The following TNS1 variants were observed in gnomAD, a reference collection of about 807,000 sequenced individuals.
The protein encoded by TNS1 is tensin 1.
In TNS1, 62 loss-of-function variants were observed where a neutral mutation model predicts 168.6. The ratio of observed to expected loss-of-function variants is 0.37; its 90% confidence interval spans 0.30 to 0.45. The LOEUF (loss-of-function observed/expected upper bound fraction) is 0.45, where lower values mean the gene tolerates loss of function less well. TNS1 is among the 20% of genes least tolerant of loss of function. The pLI, the probability that TNS1 is intolerant of heterozygous loss-of-function variation, is 1.00. For synonymous variants in TNS1, 934 were observed against 933.2 expected, an observed-to-expected ratio of 1.00 and a Z score of -0.02; for missense variants, 2,240 against 2,339.4, an observed-to-expected ratio of 0.96 and a Z score of 0.88.
intron 4 of TNS1, among the ~76,000 whole-genome samples, chr2:217,913,991 T>C (rs1375507230): frequency 6.6e-6 from 1 of 152,168 alleles, no homozygotes; most frequent in Non-Finnish European, 1.5e-5. Context: ...CTAGATTGCC[T>C]GGCCCTCTTT....
intron 18 of TNS1, among the ~76,000 whole-genome samples, chr2:217,856,847 C>T (rs537167880): frequency 8.5e-5 from 13 of 152,186 alleles, no homozygotes; most frequent in African/African-American, 2.9e-4. Flanking sequence ...AGAAAGTGAA[C>T]AGGAGAGAAC....
intron 1 of TNS1, among the ~76,000 whole-genome samples, chr2:218,019,467 A>G (rs1958788400): frequency 6.6e-6 from 1 of 152,114 alleles, no homozygotes; most frequent in Admixed American, 6.5e-5. Context: ...ATCCTCCTCC[A>G]TGACCACCCC....
chr2:217,876,570 T>A (rs188640366), intron 18 of TNS1, among the ~76,000 whole-genome samples: 1 of 152,292 alleles, frequency 6.6e-6, no homozygotes, highest in East Asian at 1.9e-4. Context: ...AGAAAACTCC[T>A]TCTCAGGTGT....
At chr2:217,815,782 A>T (rs972061223) in intron 24 of TNS1, among the ~76,000 whole-genome samples, 1 of 152,196 alleles carries the variant, frequency 6.6e-6, no homozygotes, top group African/African-American at 2.4e-5. Context: ...CACCATGAAG[A>T]TGAGGGCAGA....
rs553635685 is a variant in TNS1, at chr2:218,031,908, C to T, written c.156+1912G>A. Among the ~76,000 whole-genome samples the T allele has an allele frequency of 7.9e-5, 12 of 152,362 alleles. No homozygotes were observed. The East Asian group carries it at 2.3e-3, about 29-fold the overall frequency. Reference sequence around the variant, plus strand: ...ACTGCAGAAACGGAAGAGGCAACAGCAGCCAGGAGTCTCCTCCCCACTGCT... The same window carrying T: ...ACTGCAGAAACGGAAGAGGCAACAGTAGCCAGGAGTCTCCTCCCCACTGCT... On this transcript the variant is annotated intron_variant, in intron 1 of 1. Transcript: ENST00000649572.
At chr2:217,845,680 A>C (rs1946544425) in intron 19 of TNS1, among the ~76,000 whole-genome samples, 1 of 152,240 alleles carries the variant, frequency 6.6e-6, no homozygotes, top group African/African-American at 2.4e-5. Context: ...AAAGCCTGAG[A>C]GGCTACAGAA....
At chr2:217,899,433 A>G (rs574241442) in intron 7 of TNS1, among the ~76,000 whole-genome samples, 2 of 152,314 alleles carry the variant, frequency 1.3e-5, no homozygotes, top group African/African-American at 4.8e-5. Context: ...CCACACGCAC[A>G]CATACCTGCA....
At chr2:217,888,825 A>C (rs1219541125) in intron 12 of TNS1, among the ~76,000 whole-genome samples, 1 of 152,164 alleles carries the variant, frequency 6.6e-6, no homozygotes, top group African/African-American at 2.4e-5. Context: ...AGTCTTGGGT[A>C]TGTCTTTATC....
intron 1 of TNS1, among the ~76,000 whole-genome samples, chr2:218,028,342 C>T (rs1463366820): frequency 1.3e-5 from 2 of 152,166 alleles, no homozygotes; most frequent in African/African-American, 4.8e-5. Flanking sequence ...CAGAACAGCT[C>T]CACCCCGTAC....
chr2:217,876,741 T>C (rs1360138345), intron 18 of TNS1, among the ~76,000 whole-genome samples: 1 of 152,020 alleles, frequency 6.6e-6, no homozygotes, highest in Non-Finnish European at 1.5e-5. Flanking sequence ...GGTGTCTTTA[T>C]AAGAAGAGAT....
At chr2:218,021,451 C>T (rs1392568089) in intron 1 of TNS1, among the ~76,000 whole-genome samples, 1 of 152,176 alleles carries the variant, frequency 6.6e-6, no homozygotes, top group Admixed American at 6.5e-5. Context: ...AAAGTTGATG[C>T]CCATAGCCTA....
At position 217,817,781 on chromosome 2, in the gene TNS1, C is replaced by T. The variant is rs61746069; in HGVS notation, c.4551G>A (p.Ser1517=). The part of the protein sequence containing the change: ...NYATINGKVS[S]PVASGMSSPS... ...GACTGGACATGCCGCTGGCGACAGG[C>T]GAAGACACCTTCCCATTGATGGTGG... is the stretch of plus-strand genomic sequence containing the variant. Residue 1517 remains serine (S), a synonymous_variant, in exon 24 of 33, where the codon TCG becomes TCA. Coordinates refer to ENST00000682258, the MANE Select transcript of TNS1 (RefSeq NM_001387777.1). 6.5e-4 allele frequency: 1,044 copies of T among 1,614,188 alleles called. 8 individuals carry two copies. In the African/African-American group the frequency reaches 0.012, roughly 19 times the overall value.
intron 13 of TNS1, 80 bp from the exon 14 acceptor site, chr2:217,886,184 A>G: frequency 6.8e-7 from 1 of 1,470,746 alleles, no homozygotes; most frequent in Non-Finnish European, 9.5e-7. Context: ...GAAGGGAGAA[A>G]GAGAGAAAGG....
chr2:217,891,127 C>A (rs1951702339), intron 11 of TNS1, 82 bp from the exon 12 acceptor site: 4 of 1,364,702 alleles, frequency 2.9e-6, no homozygotes, highest in Non-Finnish European at 4.2e-6. Flanking sequence ...CTCCCTCAGA[C>A]CTGCAGAGCA....
At chr2:217,944,783 G>A (rs755381205) in intron 3 of TNS1, among the ~76,000 whole-genome samples, 1 of 152,166 alleles carries the variant, frequency 6.6e-6, no homozygotes, top group Non-Finnish European at 1.5e-5. Flanking sequence ...ATATCAAAGT[G>A]TTCATTGTAG....
intron 3 of TNS1, among the ~76,000 whole-genome samples, chr2:217,958,003 T>TCACACACACACACACACACACACACA (rs57381974): frequency 7.3e-4 from 107 of 145,824 alleles, no homozygotes; most frequent in African/African-American, 2.6e-3. Flanking sequence ...AATAAAGAAT[T>TCACACACACACACACACACACACACA]CACACACACA....
chr2:217,823,237 G>C (rs376424679), intron 22 of TNS1, among the ~76,000 whole-genome samples: 5 of 152,320 alleles, frequency 3.3e-5, no homozygotes, highest in East Asian at 1.9e-4. Flanking sequence ...TGTCACTGTT[G>C]CAACTATACA....
At chr2:217,967,698 G>A (rs545202372) in intron 3 of TNS1, among the ~76,000 whole-genome samples, 5 of 152,092 alleles carry the variant, frequency 3.3e-5, no homozygotes, top group Admixed American at 6.6e-5. Flanking sequence ...AAAAGCCCAG[G>A]TCCCGATGGC....
At position 217,948,431 on chromosome 2, in the gene TNS1, G is replaced by C. The variant is rs1162465962; in HGVS notation, c.187-28195C>G. On this transcript the variant is annotated intron_variant, in intron 3 of 32. Transcript: ENST00000682258. This position sits in a 1 kb window ranked among gnomAD's most constrained non-coding sequence, Gnocchi z 4.1. ...ATGTCCTGGGGCAGAGGCTATTCTG[G>C]GCCTCTGAATCCTGCTAGGCCCAAC... Among the ~76,000 whole-genome samples, 1 of 152,150 alleles carries C rather than the reference G, an allele frequency of 6.6e-6. No individual in the cohort carries two copies. The highest frequency in any genetic ancestry group is 1.5e-5 in the Non-Finnish European group (1 of 68,012).
Sources: allele counts gnomAD v4.1 joint callset (sites outside exome capture counted in the v4.1 genomes callset), GRCh38; gene constraint gnomAD v4.1.1; non-coding constraint Gnocchi (gnomAD v3.1); transcripts MANE v1.5; gene names NCBI Gene and HGNC (gene_info 2026-07-23, HGNC 2026-07-21).